NRG3: variants seen among roughly 807,000 people sequenced by gnomAD.
NRG3 encodes pro-neuregulin-3, membrane-bound isoform.
NRG3 carries 31 observed loss-of-function variants against 66.9 expected under a neutral mutation model. The ratio of observed to expected loss-of-function variants is 0.46; its 90% CI spans 0.35 to 0.63. The LOEUF is 0.63. Among genes scored for constraint, NRG3 ranks in the 20% least tolerant of loss-of-function variants. The probability of loss-of-function intolerance (pLI) is 0.00; values close to 1 mark genes in which losing one functional copy is unlikely to be tolerated. For synonymous variants in NRG3, 393 were observed against 359.4 expected, an observed-to-expected ratio of 1.09 and a Z score of -1.06; for missense variants, 910 against 878.9, an observed-to-expected ratio of 1.04 and a Z score of -0.45.
At chr10:82,490,745 A>C (rs1843022785) in intron 2 of NRG3, among the ~76,000 whole-genome samples, 1 of 152,044 alleles carries the variant, frequency 6.6e-6, no homozygotes, top group Admixed American at 6.6e-5. Context: ...CTTCCCTCAA[A>C]ACCTGCTTCA....
chr10:82,457,228 C>G (rs538645513), intron 2 of NRG3, among the ~76,000 whole-genome samples: 38 of 152,158 alleles, frequency 2.5e-4, no homozygotes, highest in Admixed American at 1.1e-3. Context: ...TTTTTGGCAC[C>G]AGGGACCAGT....
At chr10:82,370,474 C>A (rs1564846969) in intron 2 of NRG3, among the ~76,000 whole-genome samples, 1 of 137,954 alleles carries the variant, frequency 7.2e-6, no homozygotes, top group Non-Finnish European at 1.5e-5. Flanking sequence ...TATATGGGGG[C>A]AGGATAGGGG....
intron 1 of NRG3, among the ~76,000 whole-genome samples, chr10:82,095,543 C>T (rs541969138): frequency 2.6e-5 from 4 of 152,198 alleles, no homozygotes; most frequent in African/African-American, 4.8e-5. Flanking sequence ...ATTCCTGGCC[C>T]GATTGCTCAA....
At chr10:82,534,732 A>T (rs1847647485) in intron 2 of NRG3, among the ~76,000 whole-genome samples, 1 of 151,962 alleles carries the variant, frequency 6.6e-6, no homozygotes, top group East Asian at 1.9e-4. Flanking sequence ...CATGTAGGCC[A>T]ATGAAACAGA....
At chr10:82,503,760 A>C (rs1245903984) in intron 2 of NRG3, among the ~76,000 whole-genome samples, 1 of 152,136 alleles carries the variant, frequency 6.6e-6, no homozygotes, top group Non-Finnish European at 1.5e-5. Flanking sequence ...CTAAACATTT[A>C]ATATCCCAAA....
At chr10:82,285,626 G>C (rs1173840918) in intron 1 of NRG3, among the ~76,000 whole-genome samples, 2 of 152,286 alleles carry the variant, frequency 1.3e-5, no homozygotes, top group African/African-American at 4.8e-5. Context: ...TGAAAGTACA[G>C]TTCCTGGCTC....
At chr10:82,424,742 A>G (rs1240696379) in intron 2 of NRG3, among the ~76,000 whole-genome samples, 1 of 151,902 alleles carries the variant, frequency 6.6e-6, no homozygotes, top group Non-Finnish European at 1.5e-5. Flanking sequence ...ATTTACTCCT[A>G]TGCTTCTTTT....
rs546331261 is a variant in NRG3 at position 82,172,649 on chromosome 10, C to A, written c.824-186090C>A. 3.9e-5 allele frequency among the ~76,000 whole-genome samples: 6 copies of A among 152,224 alleles called. No homozygotes were observed. The East Asian group carries it at 1.2e-3, about 29-fold the overall frequency. ...ACCTTCAATCTCATCAGCCACAGAA[C>A]CTGTCACACTGTGTGCATCTCTATC... On this transcript the variant is annotated intron_variant, in intron 1 of 8. Coordinates refer to ENST00000372141, the MANE Select transcript of NRG3 (RefSeq NM_001010848.4).
chr10:81,893,134 A>T (rs1393321289), intron 1 of NRG3, among the ~76,000 whole-genome samples: 1 of 152,210 alleles, frequency 6.6e-6, no homozygotes, highest in Non-Finnish European at 1.5e-5. Flanking sequence ...AGTAAAAGTC[A>T]AGTGTAGTTC....
chr10:82,625,419 G>C (rs1238749140), intron 2 of NRG3, among the ~76,000 whole-genome samples: 2 of 152,240 alleles, frequency 1.3e-5, no homozygotes, highest in East Asian at 1.9e-4. Flanking sequence ...GTTTATGTTA[G>C]AGTGTAACTA....
intron 4 of NRG3, 117 bp downstream of exon 4, chr10:82,865,554 A>T: frequency 1.9e-6 from 2 of 1,030,326 alleles, no homozygotes; most frequent in Non-Finnish European, 2.8e-6. Flanking sequence ...AGATGCTATT[A>T]GTAGGAAAAA....
At chr10:81,893,597 T>G (rs1428433294) in intron 1 of NRG3, among the ~76,000 whole-genome samples, 1 of 152,220 alleles carries the variant, frequency 6.6e-6, no homozygotes, top group Non-Finnish European at 1.5e-5. Context: ...CGTAGGTGTT[T>G]GCATTTCATT....
chr10:82,153,199 C>T (rs896323886), intron 1 of NRG3, among the ~76,000 whole-genome samples: 2 of 152,064 alleles, frequency 1.3e-5, no homozygotes, highest in African/African-American at 4.8e-5. Flanking sequence ...CAACATTGCA[C>T]CTTTCCCCAT....
At chr10:82,760,119 G>A (rs2059244746) in intron 3 of NRG3, among the ~76,000 whole-genome samples, 1 of 152,076 alleles carries the variant, frequency 6.6e-6, no homozygotes, top group Admixed American at 6.6e-5. Flanking sequence ...GTGGCTTGGA[G>A]GTTTAATTTA....
chr10:82,693,840 A>C (rs1183459413), intron 2 of NRG3, among the ~76,000 whole-genome samples: 2 of 152,212 alleles, frequency 1.3e-5, no homozygotes, highest in African/African-American at 2.4e-5. Flanking sequence ...AACTAGATTT[A>C]TTGTGAAGAG....
intron 1 of NRG3, among the ~76,000 whole-genome samples, chr10:82,302,893 A>G (rs1449446921): frequency 6.6e-6 from 1 of 152,148 alleles, no homozygotes; most frequent in East Asian, 1.9e-4. Flanking sequence ...AGCTTAAGGC[A>G]ATGTATTCTT....
chr10:82,066,102 A>G (rs958416443), intron 1 of NRG3, among the ~76,000 whole-genome samples: 1 of 152,152 alleles, frequency 6.6e-6, no homozygotes, highest in Non-Finnish European at 1.5e-5. Context: ...TAATTTAACC[A>G]TGTCTTTTAC....
intron 4 of NRG3, among the ~76,000 whole-genome samples, chr10:82,867,337 A>G (rs1478493535): frequency 6.6e-6 from 1 of 152,220 alleles, no homozygotes; most frequent in East Asian, 1.9e-4. Flanking sequence ...CCAATGCTTA[A>G]AAGACTGATC....
At chr10:81,993,910 C>T (rs898034663) in intron 1 of NRG3, among the ~76,000 whole-genome samples, 2 of 152,162 alleles carry the variant, frequency 1.3e-5, no homozygotes, top group African/African-American at 4.8e-5. Context: ...CCCTCTTTTG[C>T]TATTTAATAT....
Sources: gnomAD v4.1 joint callset for allele counts (sites outside exome capture counted in the v4.1 genomes callset) on GRCh38, gnomAD v4.1.1 for gene constraint, MANE v1.5 for transcripts, NCBI Gene and HGNC (gene_info 2026-07-23, HGNC 2026-07-21) for gene names.